The following SORBS2 variants were observed in gnomAD, a reference collection of about 807,000 sequenced individuals.
SORBS2 encodes the protein sorbin and SH3 domain containing 2.
Under a neutral mutation model 97.7 loss-of-function variants are expected in SORBS2, and 46 were observed. That is an observed-to-expected ratio of 0.47 (90% CI 0.37 to 0.60). SORBS2 has a LOEUF of 0.60. Ranked by LOEUF, SORBS2 falls within the 20% of genes least tolerant of loss-of-function variation. SORBS2 has a pLI of 0.00. For missense variants in SORBS2, 1,316 were observed against 1,282.3 expected (o/e 1.03, Z -0.40); for synonymous variants, 476 against 473.4 (o/e 1.01, Z -0.07).
At chr4:185,738,194 A>T (rs10004317) in intron 2 of SORBS2, among the ~76,000 whole-genome samples, 72,652 of 152,138 alleles carry the variant, frequency 0.48, 18,673 homozygotes, top group African/African-American at 0.65. Context: ...CATCTAAAGC[A>T]ATTTTCGTGT....
intron 4 of SORBS2, among the ~76,000 whole-genome samples, chr4:185,631,499 A>G (rs2096905770): frequency 6.6e-6 from 1 of 152,242 alleles, no homozygotes; most frequent in Non-Finnish European, 1.5e-5. Flanking sequence ...GCAGTGGCTC[A>G]TGCCTGTAAT....
intron 1 of SORBS2, among the ~76,000 whole-genome samples, chr4:185,860,605 G>A (rs2099223164): frequency 6.6e-6 from 1 of 152,144 alleles, no homozygotes; most frequent in African/African-American, 2.4e-5. Context: ...AGCCTCAGGG[G>A]GTCCTGAGGA....
intron 2 of SORBS2, among the ~76,000 whole-genome samples, chr4:185,719,418 A>G (rs1349618561): frequency 6.6e-6 from 1 of 152,172 alleles, no homozygotes; most frequent in African/African-American, 2.4e-5. Context: ...TCTCTCCAGC[A>G]TTTGGTTATC....
intron 2 of SORBS2, among the ~76,000 whole-genome samples, chr4:185,741,850 T>A (rs2098729303): frequency 6.6e-6 from 1 of 152,254 alleles, no homozygotes; most frequent in Admixed American, 6.5e-5. Flanking sequence ...ACTCAAATGC[T>A]TGTCCTTTGA....
intron 1 of SORBS2, among the ~76,000 whole-genome samples, chr4:185,801,588 C>G (rs1389093557): frequency 6.6e-6 from 1 of 152,136 alleles, no homozygotes; most frequent in Non-Finnish European, 1.5e-5. Context: ...AGCACGTTTC[C>G]ATACGTCTGT....
intron 4 of SORBS2, among the ~76,000 whole-genome samples, chr4:185,673,629 C>G (rs1258400602): frequency 1.3e-5 from 2 of 152,220 alleles, no homozygotes; most frequent in Non-Finnish European, 2.9e-5. Context: ...CCCAGCAGTT[C>G]TATGAATGGT....
Position 185,859,969 on chromosome 4 carries a change from A to G in SORBS2, c.-337-84603T>C, listed in dbSNP as rs569330885. ...ACACTAAGTATTTAAATTTTTAACA[A>G]TATGCTCAAGATCCTTCCATAATTT... On this transcript the variant is annotated intron_variant, in intron 1 of 20. Coordinates refer to the SORBS2 transcript ENST00000284776. Among the ~76,000 whole-genome samples, 9 of 152,338 alleles carry G rather than the reference A, an allele frequency of 5.9e-5. No homozygotes were observed. In the South Asian group the frequency reaches 1.7e-3, roughly 28 times the overall value.
chr4:185,714,726 C>A lies in SORBS2; in HGVS notation c.-197-35904G>T, dbSNP rs149845867. On this transcript the variant is annotated intron_variant, in intron 2 of 20. Transcript: ENST00000284776. ...AGACAAGAGAGCATGTGCAGGGGAA[C>A]TCTCCTTTATAAAACCGTCAGATCT... Among the ~76,000 whole-genome samples the A allele has an allele frequency of 8.1e-3, 1,231 of 152,250 alleles. 11 individuals carry two copies. Among genetic ancestry groups the A allele is most frequent in the Non-Finnish European group, 0.011 (729 of 68,020 alleles).
chr4:185,824,780 G>C (rs1208818958), intron 1 of SORBS2, among the ~76,000 whole-genome samples: 1 of 152,112 alleles, frequency 6.6e-6, no homozygotes, highest in Non-Finnish European at 1.5e-5. Context: ...AAAAGGGATA[G>C]GTGTGATATG....
chr4:185,850,839 AG>A lies in SORBS2; in HGVS notation c.-337-75474del, dbSNP rs1221451758. 2.0e-5 allele frequency among the ~76,000 whole-genome samples: 3 copies of A among 152,206 alleles called. No homozygotes were observed. The East Asian group carries it at 5.8e-4, about 29-fold the overall frequency. The stretch of plus-strand genomic sequence containing the variant: ...TTGAATTGATAGACTTGAATAAAAA[AG>A]ATCCACCTTACCCAGGGTGTGTGGG... On this transcript the variant is annotated intron_variant, in intron 1 of 20. Coordinates refer to the SORBS2 transcript ENST00000284776.
chr4:185,806,697 A>G (rs1388684085), intron 1 of SORBS2, among the ~76,000 whole-genome samples: 1 of 151,750 alleles, frequency 6.6e-6, no homozygotes, highest in African/African-American at 2.4e-5. Flanking sequence ...TGACCTCGTG[A>G]TCCGCCCGCC....
At chr4:185,954,040 T>C (rs1436049524) in intron 1 of SORBS2, among the ~76,000 whole-genome samples, 1 of 152,262 alleles carries the variant, frequency 6.6e-6, no homozygotes, top group African/African-American at 2.4e-5. Flanking sequence ...GATGCTAACT[T>C]TATTTTTAAA....
intron 4 of SORBS2, among the ~76,000 whole-genome samples, chr4:185,670,568 A>G (rs1432182381): frequency 6.6e-6 from 1 of 152,008 alleles, no homozygotes; most frequent in Non-Finnish European, 1.5e-5. Context: ...CTTTTTTCCA[A>G]TGATAGTAAT....
At chr4:185,952,868 G>A (rs538282390) in intron 1 of SORBS2, among the ~76,000 whole-genome samples, 6 of 152,212 alleles carry the variant, frequency 3.9e-5, no homozygotes, top group South Asian at 4.2e-4. Context: ...GTCACCACTC[G>A]TAGCAAACAT....
At chr4:185,787,961 C>G (rs886202414) in intron 1 of SORBS2, among the ~76,000 whole-genome samples, 19 of 152,228 alleles carry the variant, frequency 1.2e-4, no homozygotes, top group African/African-American at 4.6e-4. Flanking sequence ...CCATGACCAG[C>G]GCCAGGGTCT....
intron 1 of SORBS2, among the ~76,000 whole-genome samples, chr4:185,868,377 C>T (rs183582627): frequency 6.6e-6 from 1 of 151,578 alleles, no homozygotes; most frequent in Non-Finnish European, 1.5e-5. Flanking sequence ...AGGATGGTCT[C>T]AATCTCCTGA....
chr4:185,622,922 G>A, exon 7 of SORBS2: 19 of 1,606,328 alleles, frequency 1.2e-5, no homozygotes, highest in Non-Finnish European at 1.4e-5. Flanking sequence ...ACCTTGGAGT[G>A]CACCGCCACG....
chr4:185,897,676 A>C (rs2099245705), intron 1 of SORBS2, among the ~76,000 whole-genome samples: 1 of 152,190 alleles, frequency 6.6e-6, no homozygotes, highest in Admixed American at 6.5e-5. Context: ...ACAGCCTACA[A>C]CAGGTATAGA....
chr4:185,868,147 C>CTTTTTTTATTT, intron 1 of SORBS2, among the ~76,000 whole-genome samples: 1 of 89,804 alleles, frequency 1.1e-5, no homozygotes, highest in African/African-American at 4.8e-5. Flanking sequence ...CTTTTCTTTT[C>CTTTTTTTATTT]TTTTTTTCTT....
Sources: allele counts gnomAD v4.1 joint callset (sites outside exome capture counted in the v4.1 genomes callset), GRCh38; gene constraint gnomAD v4.1.1; transcripts MANE v1.5; gene names NCBI Gene and HGNC (gene_info 2026-07-23, HGNC 2026-07-21).